Variants in CAGE1 observed in about 807,000 individuals in gnomAD.
CAGE1 encodes the protein cancer antigen 1, also known as cancer-associated gene 1 protein.
A neutral mutation model predicts 94.9 loss-of-function variants in CAGE1; 66 were observed. The observed-to-expected ratio is 0.70, with a 90% confidence interval of 0.57 to 0.85. The LOEUF is 0.85. Among genes scored for constraint, CAGE1 ranks in the 40% least tolerant of loss-of-function variants. The pLI is 0.00. For synonymous variants in CAGE1, 319 were observed against 321.0 expected, an observed-to-expected ratio of 0.99 and a Z score of 0.07; for missense variants, 865 against 950.4, an observed-to-expected ratio of 0.91 and a Z score of 1.18.
intron 4 of CAGE1, among the ~76,000 whole-genome samples, chr6:7,376,763 G>A (rs942295792): frequency 6.6e-6 from 1 of 152,032 alleles, no homozygotes; most frequent in Non-Finnish European, 1.5e-5. Flanking sequence ...TGCTTCCTGT[G>A]GCCACAGGGT....
chr6:7,335,014 G>A (rs1223083857), intron 11 of CAGE1, among the ~76,000 whole-genome samples: 1 of 152,170 alleles, frequency 6.6e-6, no homozygotes, highest in African/African-American at 2.4e-5. Flanking sequence ...CTAGAAGCTC[G>A]AGAGGAGAAT....
At chr6:7,383,725 T>C (rs1761017772) in intron 3 of CAGE1, among the ~76,000 whole-genome samples, 1 of 152,220 alleles carries the variant, frequency 6.6e-6, no homozygotes, top group African/African-American at 2.4e-5. Context: ...ATACATGAAA[T>C]TGCATTAATC....
At chr6:7,357,010 T>C (rs1204521181) in intron 9 of CAGE1, among the ~76,000 whole-genome samples, 1 of 152,082 alleles carries the variant, frequency 6.6e-6, no homozygotes, top group East Asian at 1.9e-4. Context: ...TTGGCCAGGC[T>C]GGTCTTGAAC....
At chr6:7,336,825 CAT>C (rs1055792105) in intron 11 of CAGE1, among the ~76,000 whole-genome samples, 5 of 152,010 alleles carry the variant, frequency 3.3e-5, no homozygotes, top group African/African-American at 2.4e-5. Context: ...GAATATATTT[CAT>C]GTGCTTATTT....
intron 12 of CAGE1, among the ~76,000 whole-genome samples, chr6:7,333,677 T>TC (rs11400589): frequency 7.1e-6 from 1 of 140,332 alleles, no homozygotes; most frequent in African/African-American, 2.6e-5. Flanking sequence ...TATATATACA[T>TC]TTTTTTTTTG....
At chr6:7,356,157 A>G (rs959372722) in intron 9 of CAGE1, 28 bp from the exon 10 acceptor site, 9 of 1,236,756 alleles carry the variant, frequency 7.3e-6, no homozygotes, top group Non-Finnish European at 1.0e-5. Context: ...TAAACATACT[A>G]ATCTGGAACC....
chr6:7,376,759 C>T (rs910891728), intron 4 of CAGE1, among the ~76,000 whole-genome samples: 1 of 152,134 alleles, frequency 6.6e-6, no homozygotes, highest in East Asian at 1.9e-4. Flanking sequence ...ACCATGCTTC[C>T]TGTGGCCACA....
At position 7,326,813 on chromosome 6, in the gene CAGE1, T is replaced by A. The variant is rs773829154; in HGVS notation, c.*45A>T. The A allele has an allele frequency of 7.4e-7, 1 of 1,343,316 alleles. No homozygotes were observed. The highest frequency in any genetic ancestry group is 1.1e-6 in the Non-Finnish European group (1 of 933,824). 83.2% of individuals were successfully genotyped at this position (1,343,316 alleles called of 1,614,324 possible). On this transcript the variant is annotated 3_prime_UTR_variant, in exon 14 of 14. Transcript: ENST00000502583. ...TAGCATATGTAGTAATGACTCTTCCTGGAGTGGTTGACAAAAATGATTACT... is the reference window on the plus strand; with the variant it reads ...TAGCATATGTAGTAATGACTCTTCCAGGAGTGGTTGACAAAAATGATTACT...
chr6:7,343,931 A>T (rs2714319), intron 11 of CAGE1, among the ~76,000 whole-genome samples: 7,245 of 152,160 alleles, frequency 0.048, 297 homozygotes, highest in African/African-American at 0.11. Context: ...ACAAAGGAAG[A>T]AATGGGATAG....
intron 11 of CAGE1, among the ~76,000 whole-genome samples, chr6:7,352,125 T>G (rs1037391628): frequency 8.6e-5 from 13 of 151,824 alleles, no homozygotes; most frequent in Admixed American, 7.9e-4. Context: ...ATCATTTATC[T>G]TGAAAACCCT....
chr6:7,368,436 C>T (rs1320769485), intron 7 of CAGE1, among the ~76,000 whole-genome samples: 1 of 151,808 alleles, frequency 6.6e-6, no homozygotes, highest in Non-Finnish European at 1.5e-5. Context: ...ATCAGTAGTG[C>T]CGTGCAAAAA....
At chr6:7,355,982 G>C in intron 10 of CAGE1, 43 bp downstream of exon 10, 1 of 1,135,496 alleles carries the variant, frequency 8.8e-7, no homozygotes, top group South Asian at 1.3e-5. Context: ...GGGTGACAGA[G>C]TGAGATCTTG....
At chr6:7,345,582 A>G (rs984902524) in intron 11 of CAGE1, among the ~76,000 whole-genome samples, 12 of 152,190 alleles carry the variant, frequency 7.9e-5, no homozygotes, top group African/African-American at 2.7e-4. Flanking sequence ...AAACAATGTC[A>G]CTAATAGCTT....
intron 11 of CAGE1, 78 bp downstream of exon 11, chr6:7,354,963 G>A (rs1308035642): frequency 8.1e-6 from 9 of 1,110,982 alleles, no homozygotes; most frequent in Non-Finnish European, 1.2e-5. Flanking sequence ...CTAGGAGTCT[G>A]AAAAAAAGAA....
At chr6:7,345,254 A>C (rs1029325298) in intron 11 of CAGE1, among the ~76,000 whole-genome samples, 20 of 152,206 alleles carry the variant, frequency 1.3e-4, no homozygotes, top group Non-Finnish European at 2.6e-4. Context: ...GAACAACTCC[A>C]GACACGCTAC....
intron 11 of CAGE1, chr6:7,342,169 G>A: frequency 9.8e-7 from 1 of 1,018,236 alleles, no homozygotes; most frequent in Non-Finnish European, 1.6e-6. Context: ...AGGCTGCCTG[G>A]ACAGTTGGGC....
intron 11 of CAGE1, chr6:7,341,164 A>C: frequency 1.7e-6 from 1 of 581,602 alleles, no homozygotes; most frequent in Non-Finnish European, 3.3e-6. Flanking sequence ...GGGCAGGTAC[A>C]CTTTGTCAAT....
intron 9 of CAGE1, among the ~76,000 whole-genome samples, chr6:7,364,504 T>C (rs146567581): frequency 1.2e-3 from 187 of 152,310 alleles, no homozygotes; most frequent in African/African-American, 4.1e-3. Context: ...AGTCTTACTC[T>C]GTCACTCAGG....
At chr6:7,333,091 C>T (rs1263729816) in intron 12 of CAGE1, among the ~76,000 whole-genome samples, 1 of 152,130 alleles carries the variant, frequency 6.6e-6, no homozygotes, top group Admixed American at 6.6e-5. Context: ...GCTGGGATTA[C>T]AGGTGCCCAC....
Sources: gnomAD v4.1 joint callset for allele counts (sites outside exome capture counted in the v4.1 genomes callset) on GRCh38, gnomAD v4.1.1 for gene constraint, MANE v1.5 for transcripts, NCBI Gene and HGNC (gene_info 2026-07-23, HGNC 2026-07-21) for gene names.